LPP: variants seen among roughly 807,000 people sequenced by gnomAD.
LPP encodes the protein lipoma-preferred partner.
LPP carries 38 observed loss-of-function variants against 60.4 expected under a neutral mutation model. That is an observed-to-expected ratio of 0.63 (90% CI 0.49 to 0.83). LPP has a LOEUF of 0.83. LPP is among the 40% of genes least tolerant of loss of function. The pLI is 0.00. For missense variants in LPP, 902 were observed against 783.6 expected, an observed-to-expected ratio of 1.15 and a Z score of -1.80; for synonymous variants, 328 against 290.8, an observed-to-expected ratio of 1.13 and a Z score of -1.30.
chr3:188,736,953 G>C (rs1422815400), intron 8 of LPP, among the ~76,000 whole-genome samples: 1 of 151,892 alleles, frequency 6.6e-6, no homozygotes, highest in East Asian at 1.9e-4. Flanking sequence ...AGTGATTTGG[G>C]AAAATATTAT....
At position 188,778,944 on chromosome 3, in the gene LPP, C is replaced by T. The variant is rs146779387; in HGVS notation, c.1410+18662C>T. ...AATTTGAAGATTTTTGAGTGTGATACTTATAAAAGTGTGTGTGTTTGTGTG... is the reference window on the plus strand; with the variant it reads ...AATTTGAAGATTTTTGAGTGTGATATTTATAAAAGTGTGTGTGTTTGTGTG... On this transcript the variant is annotated intron_variant, in intron 9 of 11. Coordinates refer to ENST00000617246, the MANE Select transcript of LPP (RefSeq NM_001375462.1). Among the ~76,000 whole-genome samples the T allele has an allele frequency of 2.8e-3, 431 of 152,174 alleles. 2 individuals are homozygous for T. Among genetic ancestry groups the T allele is most frequent in the African/African-American group, 9.5e-3 (393 of 41,524 alleles).
intron 9 of LPP, among the ~76,000 whole-genome samples, chr3:188,811,540 A>G (rs1750991703): frequency 6.6e-6 from 1 of 152,098 alleles, no homozygotes; most frequent in East Asian, 1.9e-4. Context: ...TATGTTAGGA[A>G]AGAAACCTAT....
chr3:188,481,471 A>G (rs1021497589), intron 4 of LPP, among the ~76,000 whole-genome samples: 2 of 152,254 alleles, frequency 1.3e-5, no homozygotes, highest in South Asian at 2.1e-4. Context: ...GTTTCTTAAA[A>G]AAACCAAAAA....
intron 9 of LPP, among the ~76,000 whole-genome samples, chr3:188,816,862 G>T (rs533600438): frequency 1.3e-5 from 2 of 152,130 alleles, no homozygotes; most frequent in Non-Finnish European, 2.9e-5. Context: ...GCTAAGCACC[G>T]AATAGGAATA....
chr3:188,269,416 C>A (rs1353262936), intron 2 of LPP, among the ~76,000 whole-genome samples: 3 of 152,142 alleles, frequency 2.0e-5, no homozygotes, highest in African/African-American at 7.2e-5. Flanking sequence ...ATATTGAATT[C>A]TCTTTGTACA....
intron 8 of LPP, among the ~76,000 whole-genome samples, chr3:188,757,889 G>GTTTTTTGTTTTTTTTT (rs1553833771): frequency 1.1e-3 from 85 of 78,670 alleles, no homozygotes; most frequent in Non-Finnish European, 1.2e-3. Flanking sequence ...TGTTTTTTTG[G>GTTTTTTGTTTTTTTTT]TTTTTTTTTT....
chr3:188,688,035 A>G (rs1008119411), intron 7 of LPP, among the ~76,000 whole-genome samples: 3 of 152,148 alleles, frequency 2.0e-5, no homozygotes, highest in African/African-American at 7.2e-5. Context: ...TTCTTACCTT[A>G]ACTGCCCCAG....
chr3:188,567,203 C>A (rs1292983980), intron 6 of LPP, among the ~76,000 whole-genome samples: 1 of 151,800 alleles, frequency 6.6e-6, no homozygotes, highest in Non-Finnish European at 1.5e-5. Context: ...CTTTTTGAGT[C>A]TCTGTTAAAC....
chr3:188,534,863 C>T (rs565630133), intron 6 of LPP, among the ~76,000 whole-genome samples: 1 of 152,298 alleles, frequency 6.6e-6, no homozygotes, highest in Admixed American at 6.5e-5. Flanking sequence ...GTTTGCCCTC[C>T]ACACAAAATA....
rs138995092 is a variant in LPP at position 188,330,814 on chromosome 3, T to C, written c.-66-10849T>C. Among the ~76,000 whole-genome samples the C allele has an allele frequency of 3.2e-4, 48 of 150,854 alleles. 1 individual carries two copies. The highest frequency in any genetic ancestry group is 6.8e-3 in the Middle Eastern group (2 of 292). On this transcript the variant is annotated intron_variant, in intron 2 of 11. Transcript: ENST00000617246. Reference sequence around the variant, plus strand: ...CTGGGCAACAGAGGGAGATACTGCCTCAGAATAAGTCAGTCAGTCAGTCAG... The same window carrying C: ...CTGGGCAACAGAGGGAGATACTGCCCCAGAATAAGTCAGTCAGTCAGTCAG...
chr3:188,731,082 A>C (rs999642101), intron 8 of LPP, among the ~76,000 whole-genome samples: 1 of 152,162 alleles, frequency 6.6e-6, no homozygotes, highest in Non-Finnish European at 1.5e-5. Flanking sequence ...ATACAGTAGC[A>C]TGTTCATAGG....
intron 2 of LPP, among the ~76,000 whole-genome samples, chr3:188,330,583 A>G (rs1257975354): frequency 6.6e-6 from 1 of 152,096 alleles, no homozygotes; most frequent in Non-Finnish European, 1.5e-5. Flanking sequence ...CTCTTCCTCA[A>G]TCCTAGGCCT....
At chr3:188,811,575 G>A (rs1260453913) in intron 9 of LPP, among the ~76,000 whole-genome samples, 1 of 152,000 alleles carries the variant, frequency 6.6e-6, no homozygotes, top group African/African-American at 2.4e-5. Context: ...GCAATTACTG[G>A]GGATATCCAG....
chr3:188,347,897 C>T (rs759697526), intron 3 of LPP, among the ~76,000 whole-genome samples: 8 of 152,228 alleles, frequency 5.3e-5, no homozygotes, highest in Non-Finnish European at 7.3e-5. Flanking sequence ...AAAATTCACA[C>T]AGCAGGTTAA....
chr3:188,878,132 A>G lies in LPP; in HGVS notation c.*3653A>G, dbSNP rs540420640. ...ACAGGACTCTGAAAACACAACTTCC[A>G]GCCATTTTTTTAGTTAGTAAAAATC... On this transcript the variant is annotated 3_prime_UTR_variant, in exon 12 of 12. Coordinates refer to ENST00000617246, the MANE Select transcript of LPP (RefSeq NM_001375462.1). 6.2e-4 allele frequency: 137 copies of G among 221,130 alleles called. No homozygotes were observed. Among genetic ancestry groups the G allele is most frequent in the African/African-American group, 2.9e-3 (131 of 44,730 alleles). 13.7% of individuals were successfully genotyped at this position (221,130 alleles called of 1,614,324 possible). A position where few individuals can be genotyped will look rare whatever the true frequency, so the allele number is the denominator to read the frequency against.
At chr3:188,181,748 G>A (rs1270478313) in intron 1 of LPP, among the ~76,000 whole-genome samples, 2 of 152,082 alleles carry the variant, frequency 1.3e-5, no homozygotes, top group Non-Finnish European at 2.9e-5. Flanking sequence ...TAGAGACAGG[G>A]TCACTCTCTG....
intron 2 of LPP, among the ~76,000 whole-genome samples, chr3:188,324,499 G>C (rs1757836727): frequency 1.3e-5 from 2 of 152,170 alleles, no homozygotes; most frequent in Admixed American, 1.3e-4. Context: ...TCACCCCCGT[G>C]TTGTAGGACC....
At chr3:188,529,805 A>T (rs1038705635) in intron 6 of LPP, among the ~76,000 whole-genome samples, 2 of 152,212 alleles carry the variant, frequency 1.3e-5, no homozygotes, top group Middle Eastern at 3.2e-3. Flanking sequence ...CTTTAGAGTG[A>T]TATTTAATCT....
rs1415834280 is a variant in LPP, at chr3:188,254,479, T to C, written c.-67+28952T>C. Reference sequence around the variant, plus strand: ...ATTAATTGATGTATAAGGTAGCCCATGATAAACTCAATGCCACTTTTATAC... The same window carrying C: ...ATTAATTGATGTATAAGGTAGCCCACGATAAACTCAATGCCACTTTTATAC... On this transcript the variant is annotated intron_variant, in intron 2 of 11. Transcript: ENST00000617246. Among the ~76,000 whole-genome samples, 4 of 152,200 alleles carry C rather than the reference T, an allele frequency of 2.6e-5. No individual in the cohort carries two copies. The South Asian group carries it at 8.3e-4, about 32-fold the overall frequency.
Sources: gnomAD v4.1 joint callset for allele counts (sites outside exome capture counted in the v4.1 genomes callset) on GRCh38, gnomAD v4.1.1 for gene constraint, MANE v1.5 for transcripts, NCBI Gene and HGNC (gene_info 2026-07-23, HGNC 2026-07-21) for gene names.